Variants in CDH23 observed in about 807,000 individuals in gnomAD.
CDH23 encodes the protein cadherin-23.
CDH23 carries 189 observed loss-of-function variants against 317.1 expected under a neutral mutation model. The observed-to-expected ratio is 0.60, with a 90% confidence interval of 0.53 to 0.67. CDH23 has a LOEUF of 0.67. CDH23 is among the 30% of genes least tolerant of loss of function. The probability of loss-of-function intolerance (pLI) is 0.00; values close to 1 mark genes in which losing one functional copy is unlikely to be tolerated. For missense variants in CDH23, 4,401 were observed against 4,592.4 expected (o/e 0.96, Z 1.20); for synonymous variants, 1,839 against 1,876.8 (o/e 0.98, Z 0.52).
intron 3 of CDH23, among the ~76,000 whole-genome samples, chr10:71,464,802 A>G (rs2132070318): frequency 6.6e-6 from 1 of 152,290 alleles, no homozygotes; most frequent in South Asian, 2.1e-4. Flanking sequence ...TCAAATACTA[A>G]TGACAGGAAA....
chr10:71,795,967 C>T, intron 48 of CDH23: 2 of 985,930 alleles, frequency 2.0e-6, no homozygotes, highest in Non-Finnish European at 2.4e-6. Context: ...GGCCGTGGCC[C>T]AGCCTTTGCA....
intron 3 of CDH23, among the ~76,000 whole-genome samples, chr10:71,453,949 G>T (rs1850569912): frequency 6.6e-6 from 1 of 152,198 alleles, no homozygotes; most frequent in African/African-American, 2.4e-5. Flanking sequence ...AAAATATAGG[G>T]GGTGTTAGAC....
intron 9 of CDH23, among the ~76,000 whole-genome samples, chr10:71,613,132 A>G (rs1861001825): frequency 6.6e-6 from 1 of 152,204 alleles, no homozygotes; most frequent in Admixed American, 6.5e-5. Flanking sequence ...TACAGGCATG[A>G]GCCACCGCGC....
At chr10:71,533,560 C>CACACAA (rs1554835385) in intron 6 of CDH23, among the ~76,000 whole-genome samples, 16 of 141,572 alleles carry the variant, frequency 1.1e-4, no homozygotes, top group African/African-American at 4.0e-4. Flanking sequence ...CACACACACA[C>CACACAA]ACACACACAC....
chr10:71,511,662 T>C, intron 6 of CDH23: 1 of 262,964 alleles, frequency 3.8e-6, no homozygotes, highest in South Asian at 5.1e-5. Context: ...AGCCCCGCGC[T>C]CTCCACCATG....
At chr10:71,424,653 G>A (rs773512084) in intron 1 of CDH23, among the ~76,000 whole-genome samples, 10 of 152,294 alleles carry the variant, frequency 6.6e-5, no homozygotes, top group Admixed American at 3.3e-4. Flanking sequence ...AAGGGACCTC[G>A]TTCCTTTATT....
intron 2 of CDH23, among the ~76,000 whole-genome samples, chr10:71,441,281 G>A (rs1483622460): frequency 2.0e-5 from 3 of 152,112 alleles, no homozygotes; most frequent in Non-Finnish European, 4.4e-5. Context: ...GGCTTCAATC[G>A]GGGCTCCTGA....
intron 38 of CDH23, among the ~76,000 whole-genome samples, chr10:71,745,197 G>A (rs1413817415): frequency 6.6e-6 from 1 of 152,228 alleles, no homozygotes; most frequent in Non-Finnish European, 1.5e-5. Flanking sequence ...GAGTAAGGGA[G>A]GCAATGAAAA....
intron 39 of CDH23, 25 bp from the exon 40 acceptor site, chr10:71,778,164 C>G: frequency 2.5e-6 from 4 of 1,613,646 alleles, no homozygotes; most frequent in Non-Finnish European, 3.4e-6. Context: ...TAGATCCATC[C>G]TTGTCCCTTC....
intron 37 of CDH23, 151 bp from the exon 38 acceptor site, chr10:71,741,543 T>C: frequency 1.5e-6 from 1 of 660,318 alleles, no homozygotes; most frequent in Non-Finnish European, 2.7e-6. Flanking sequence ...TGTTCGCTGC[T>C]ATCATCCTTA....
At chr10:71,621,752 C>T (rs981292534) in intron 11 of CDH23, among the ~76,000 whole-genome samples, 23 of 152,294 alleles carry the variant, frequency 1.5e-4, no homozygotes, top group Admixed American at 1.4e-3. Context: ...GCCACCAGAT[C>T]GAAGATTCTG....
At chr10:71,683,614 C>A (rs994726165) in intron 18 of CDH23, among the ~76,000 whole-genome samples, 3 of 152,150 alleles carry the variant, frequency 2.0e-5, no homozygotes, top group African/African-American at 4.8e-5. Flanking sequence ...GATGGGAGAG[C>A]CTTCCAGTTG....
chr10:71,478,416 T>C (rs1294868539), intron 3 of CDH23, among the ~76,000 whole-genome samples: 1 of 152,226 alleles, frequency 6.6e-6, no homozygotes, highest in Non-Finnish European at 1.5e-5. Flanking sequence ...AGCCTCCTGA[T>C]GATGCCTTCT....
intron 14 of CDH23, among the ~76,000 whole-genome samples, chr10:71,664,833 T>G (rs1863819825): frequency 6.7e-6 from 1 of 149,300 alleles, no homozygotes; most frequent in Admixed American, 6.7e-5. Context: ...CTCCCTTCTC[T>G]CCCCTCTTCC....
Position 71,712,724 on chromosome 10 carries a change from G to A in CDH23, c.3280G>A (p.Asp1094Asn). The A allele has an allele frequency of 6.2e-7, 1 of 1,613,752 alleles. No individual in the cohort carries two copies. Among genetic ancestry groups the A allele is most frequent in the South Asian group, 1.1e-5 (1 of 91,068 alleles). The change falls in exon 28 of 70, where the codon GAT becomes AAT. Residue 1094 changes from aspartate to asparagine, a missense_variant. Physicochemically the swap from Asp to Asn is conservative, Grantham distance 23. Coordinates refer to ENST00000224721, the MANE Select transcript of CDH23 (RefSeq NM_022124.6). ...AGCCACCGTGTTCGTCACTGTCCTG[G>A]ATGTGAATGACAACCGGCCCATCTT... ...GTATVFVTVL[D>N]VNDNRPIFLQ...
At position 71,706,535 on chromosome 10, in the gene CDH23, G is replaced by A. The variant is rs142672588; in HGVS notation, c.2954-362G>A. On this transcript the variant is annotated intron_variant, in intron 25 of 69. Coordinates refer to ENST00000224721, the MANE Select transcript of CDH23 (RefSeq NM_022124.6). ...TGGGCTTGGCACGCTGGACAAGCTC[G>A]TAAATGGTCACTGTCGTCATCGTTG... Among the ~76,000 whole-genome samples, 22 of 152,380 alleles carry A rather than the reference G, an allele frequency of 1.4e-4. No individual in the cohort carries two copies. The East Asian group carries it at 3.9e-3, about 27-fold the overall frequency.
Position 71,751,706 on chromosome 10 carries a change from G to A in CDH23, c.4845+9785G>A. On this transcript the variant is annotated intron_variant, in intron 38 of 69. Coordinates refer to ENST00000224721, the MANE Select transcript of CDH23 (RefSeq NM_022124.6). This position sits in a 1 kb window ranked among gnomAD's most constrained non-coding sequence, Gnocchi z 4.9. ...GAAGACGTCTCCGGGGCCTGGAGGA[G>A]ACAGGGGGGTGCTGGGCTCCGAAAG... The A allele has an allele frequency of 1.9e-6, 3 of 1,564,332 alleles. No individual in the cohort carries two copies. Among genetic ancestry groups the A allele is most frequent in the Non-Finnish European group, 1.7e-6 (2 of 1,158,008 alleles).
Position 71,784,277 on chromosome 10 carries a change from T to C in CDH23, c.5369-10T>C. ...CCCGACTAACTTGGGCCTCTCCTGGTGACACCCAGGGGAGTTTGTGATCTC... is the reference window on the plus strand; with the variant it reads ...CCCGACTAACTTGGGCCTCTCCTGGCGACACCCAGGGGAGTTTGTGATCTC... On this transcript the variant is annotated splice_polypyrimidine_tract_variant and intron_variant, in intron 41 of 69. Coordinates refer to ENST00000224721, the MANE Select transcript of CDH23 (RefSeq NM_022124.6). 6.2e-7 allele frequency: 1 copy of C among 1,611,416 alleles called. No individual in the cohort carries two copies. Among genetic ancestry groups the C allele is most frequent in the Non-Finnish European group, 8.5e-7 (1 of 1,178,206 alleles).
intron 6 of CDH23, among the ~76,000 whole-genome samples, chr10:71,557,764 T>G (rs1373680448): frequency 6.6e-6 from 1 of 152,202 alleles, no homozygotes; most frequent in African/African-American, 2.4e-5. Flanking sequence ...TTGGTGCCAC[T>G]TTGACTCTTG....
Sources: allele counts gnomAD v4.1 joint callset (sites outside exome capture counted in the v4.1 genomes callset), GRCh38; gene constraint gnomAD v4.1.1; non-coding constraint Gnocchi (gnomAD v3.1); transcripts MANE v1.5; gene names NCBI Gene and HGNC (gene_info 2026-07-23, HGNC 2026-07-21).